The following ATP11C variants were observed in gnomAD, a reference collection of about 807,000 sequenced individuals.
ATP11C encodes the protein phospholipid-transporting ATPase IG.
ATP11C carries 36 observed loss-of-function variants against 97.4 expected under a neutral mutation model. The ratio of observed to expected loss-of-function variants is 0.37; its 90% CI spans 0.28 to 0.49. ATP11C has a LOEUF of 0.49. Among genes scored for constraint, ATP11C ranks in the 20% least tolerant of loss-of-function variants. The pLI is 0.98. For missense variants in ATP11C, 730 were observed against 824.6 expected, an observed-to-expected ratio of 0.89 and a Z score of 1.40; for synonymous variants, 275 against 290.9, an observed-to-expected ratio of 0.95 and a Z score of 0.56.
upstream of ATP11C, chrX:139,933,214 C>G (rs983288106): frequency 9.0e-6 from 1 of 111,009 alleles, no homozygotes; most frequent in Non-Finnish European, 1.9e-5. Context: ...GGAGCTCCCC[C>G]ACACGCTAGT....
chrX:139,891,197 C>CAAAA (rs35280856), intron 1 of ATP11C, among the ~76,000 whole-genome samples: 107 of 35,169 alleles, frequency 3.0e-3, no homozygotes, highest in East Asian at 5.2e-3. Context: ...AGAGATTGGC[C>CAAAA]AAAAAAAAAA....
At chrX:139,788,838 C>T (rs2082631532) in intron 13 of ATP11C, among the ~76,000 whole-genome samples, 2 of 112,114 alleles carry the variant, frequency 1.8e-5, no homozygotes, top group South Asian at 7.4e-4. Context: ...ATTCTCTTTA[C>T]TTGTAAATTC....
intron 1 of ATP11C, among the ~76,000 whole-genome samples, chrX:139,919,444 AACACACACACACAC>A (rs370999462): frequency 5.0e-4 from 37 of 73,948 alleles, no homozygotes; most frequent in Admixed American, 1.7e-3. Context: ...CTCAAACTTA[AACACACACACACAC>A]ACACACACAC....
intron 1 of ATP11C, among the ~76,000 whole-genome samples, chrX:139,839,066 T>C (rs2083789760): frequency 8.9e-6 from 1 of 112,511 alleles, no homozygotes; most frequent in South Asian, 3.6e-4. Context: ...AGCATTGATA[T>C]GTTCCACAAT....
chrX:139,898,458 C>T (rs773710699), intron 1 of ATP11C, among the ~76,000 whole-genome samples: 2 of 111,173 alleles, frequency 1.8e-5, no homozygotes, highest in East Asian at 2.8e-4. Flanking sequence ...GCTACTCTAC[C>T]CAAATGTTTT....
At chrX:139,796,615 A>G (rs1986432272) in intron 11 of ATP11C, 145 bp from the exon 12 acceptor site, 1 of 432,477 alleles carries the variant, frequency 2.3e-6, no homozygotes, top group Admixed American at 4.5e-5. Context: ...ATAACACTAC[A>G]TCACTGTAGT....
intron 19 of ATP11C, among the ~76,000 whole-genome samples, chrX:139,772,396 A>G (rs748134024): frequency 8.9e-6 from 1 of 111,993 alleles, no homozygotes; most frequent in African/African-American, 3.2e-5. Context: ...GAGTCCCCAT[A>G]CAGAGTCCCT....
At chrX:139,787,294 T>A in intron 14 of ATP11C, 50 bp from the exon 15 acceptor site, 2 of 1,030,673 alleles carry the variant, frequency 1.9e-6, no homozygotes, top group Non-Finnish European at 2.6e-6. Context: ...GAATGATTAA[T>A]TTTTTTATTA....
intron 24 of ATP11C, among the ~76,000 whole-genome samples, chrX:139,747,515 G>A (rs972007280): frequency 2.7e-5 from 3 of 111,684 alleles, no homozygotes; most frequent in African/African-American, 9.8e-5. Flanking sequence ...ATGGTAGGCA[G>A]CAGGTATACC....
upstream of ATP11C, among the ~76,000 whole-genome samples, chrX:139,936,036 A>G (rs1017456355): frequency 9.0e-6 from 1 of 110,715 alleles, no homozygotes; most frequent in African/African-American, 3.3e-5. Flanking sequence ...GATGGCTCAC[A>G]CCTGTTATCC....
chrX:139,787,162 G>A lies in ATP11C; in HGVS notation c.1592+11C>T, dbSNP rs1487339574. 1 of 1,205,908 alleles carries A rather than the reference G, an allele frequency of 8.3e-7. No homozygotes were observed. Among genetic ancestry groups the A allele is most frequent in the Non-Finnish European group, 1.1e-6 (1 of 891,675 alleles). On this transcript the variant is annotated intron_variant, in intron 15 of 29. Transcript: ENST00000682941. The stretch of plus-strand genomic sequence containing the variant: ...TAAGAAATGACAAACATCAAACACA[G>A]AGCTACTTACTCTTCTATTTCTTTT...
At chrX:139,848,871 T>C (rs992658387) in intron 1 of ATP11C, among the ~76,000 whole-genome samples, 3 of 112,260 alleles carry the variant, frequency 2.7e-5, no homozygotes, top group African/African-American at 9.7e-5. Context: ...CGCAAACTGC[T>C]TTCTTCATTC....
At chrX:139,933,628 G>C (rs1447668017), upstream of ATP11C, among the ~76,000 whole-genome samples, 2 of 112,317 alleles carry the variant, frequency 1.8e-5, no homozygotes, top group Non-Finnish European at 3.8e-5. Context: ...AGGAAAGGGA[G>C]TTCAGAGACT....
chrX:139,901,142 C>T (rs1235543943), intron 1 of ATP11C, among the ~76,000 whole-genome samples: 1 of 111,723 alleles, frequency 9.0e-6, no homozygotes, highest in Non-Finnish European at 1.9e-5. Flanking sequence ...AATGGCCTAG[C>T]CATACACTCA....
chrX:139,860,667 A>AAG (rs1265072674), intron 1 of ATP11C, among the ~76,000 whole-genome samples: 1 of 111,157 alleles, frequency 9.0e-6, no homozygotes, highest in African/African-American at 3.3e-5. Context: ...AAACTACAAA[A>AAG]ATTAGCCGGG....
intron 1 of ATP11C, among the ~76,000 whole-genome samples, chrX:139,863,512 GAC>G (rs1169407460): frequency 9.0e-6 from 1 of 111,132 alleles, no homozygotes; most frequent in Admixed American, 9.6e-5. Flanking sequence ...CAGCCTGGAT[GAC>G]AGAGGGAGAC....
chrX:139,735,477 AGT>A (rs1399728525), intron 28 of ATP11C, among the ~76,000 whole-genome samples: 1 of 112,026 alleles, frequency 8.9e-6, no homozygotes, highest in Non-Finnish European at 1.9e-5. Context: ...GGGCAGACCC[AGT>A]ATCTTTTGCC....
At position 139,765,265 on chromosome X, in the gene ATP11C, G is replaced by T. The variant is rs765944254; in HGVS notation, c.2392-1847C>A. Among the ~76,000 whole-genome samples the T allele has an allele frequency of 5.5e-4, 61 of 111,614 alleles. 1 individual carries two copies. Among genetic ancestry groups the T allele is most frequent in the African/African-American group, 1.7e-3 (51 of 30,761 alleles). ...TATTTTACCAAAAGCTATTCATCAAGTATAATAGCTTGCTTTATATTGTAT... is the reference window on the plus strand; with the variant it reads ...TATTTTACCAAAAGCTATTCATCAATTATAATAGCTTGCTTTATATTGTAT... On this transcript the variant is annotated intron_variant, in intron 20 of 29. Coordinates refer to ENST00000682941, the MANE Select transcript of ATP11C (RefSeq NM_001353812.2).
At chrX:139,792,871 G>A (rs753351073) in intron 12 of ATP11C, among the ~76,000 whole-genome samples, 1 of 111,883 alleles carries the variant, frequency 8.9e-6, no homozygotes, top group East Asian at 2.8e-4. Flanking sequence ...ACTGGTGAAC[G>A]TAAGTTAAGT....
Sources: gnomAD v4.1 joint callset for allele counts (sites outside exome capture counted in the v4.1 genomes callset) on GRCh38, gnomAD v4.1.1 for gene constraint, MANE v1.5 for transcripts, NCBI Gene and HGNC (gene_info 2026-07-23, HGNC 2026-07-21) for gene names.